Variants in LRRC4C observed in about 807,000 individuals in gnomAD.
The protein encoded by LRRC4C is leucine-rich repeat-containing protein 4C.
LRRC4C carries 5 observed loss-of-function variants against 33.6 expected under a neutral mutation model. The ratio of observed to expected loss-of-function variants is 0.15; its 90% confidence interval spans 0.08 to 0.31. LRRC4C has a LOEUF of 0.31. Among genes scored for constraint, LRRC4C ranks in the 10% least tolerant of loss-of-function variants. The pLI, the probability that LRRC4C is intolerant of heterozygous loss-of-function variation, is 1.00. For missense variants in LRRC4C, 560 were observed against 796.7 expected (o/e 0.70, Z 3.58); for synonymous variants, 329 against 302.0 (o/e 1.09, Z -0.93).
In LRRC4C at chr11:40,571,319, A is replaced by AT. The variant is rs202196595; in HGVS notation, c.-270+76822dup. 1.4e-3 allele frequency among the ~76,000 whole-genome samples: 212 copies of AT among 151,880 alleles called. 8 individuals carry two copies. In the East Asian group the frequency reaches 0.033, roughly 24 times the overall value. The stretch of plus-strand genomic sequence containing the variant: ...TGATGTTCATTGCCCACCGATGTTA[A>AT]TTTTTTTTTAAATTTTTAGTTGTAT... On this transcript the variant is annotated intron_variant, in intron 3 of 6. Transcript: ENST00000528697.
At chr11:40,758,229 G>A (rs1388799320) in intron 2 of LRRC4C, among the ~76,000 whole-genome samples, 2 of 152,018 alleles carry the variant, frequency 1.3e-5, no homozygotes, top group Non-Finnish European at 2.9e-5. Context: ...GAGGAGCTAT[G>A]TTCTATTGAG....
At chr11:41,445,933 A>C (rs1018274625) in intron 1 of LRRC4C, among the ~76,000 whole-genome samples, 3 of 149,018 alleles carry the variant, frequency 2.0e-5, no homozygotes, top group African/African-American at 7.5e-5. Context: ...TTTGGGGAAA[A>C]TGTGTTTCCT....
At chr11:40,651,638 C>G (rs916533438) in intron 2 of LRRC4C, among the ~76,000 whole-genome samples, 3 of 152,114 alleles carry the variant, frequency 2.0e-5, no homozygotes, top group African/African-American at 7.2e-5. Flanking sequence ...GAAAACTATA[C>G]GTTTAGCACA....
intron 3 of LRRC4C, among the ~76,000 whole-genome samples, chr11:40,514,160 C>T (rs1432085595): frequency 1.3e-5 from 2 of 152,132 alleles, no homozygotes; most frequent in Non-Finnish European, 2.9e-5. Flanking sequence ...GGTTCAAACC[C>T]TTGTTTGGTT....
chr11:40,233,732 A>T (rs1473432917), intron 5 of LRRC4C, among the ~76,000 whole-genome samples: 1 of 152,220 alleles, frequency 6.6e-6, no homozygotes, highest in Non-Finnish European at 1.5e-5. Flanking sequence ...ATTCATTTTT[A>T]AATAAGCAAG....
intron 3 of LRRC4C, among the ~76,000 whole-genome samples, chr11:40,418,534 T>C (rs935303738): frequency 2.0e-5 from 3 of 152,208 alleles, no homozygotes; most frequent in Non-Finnish European, 4.4e-5. Flanking sequence ...AGTTCAACCA[T>C]TGTGGAGGAC....
intron 3 of LRRC4C, among the ~76,000 whole-genome samples, chr11:40,612,250 A>C (rs1357274347): frequency 6.6e-6 from 1 of 151,932 alleles, no homozygotes; most frequent in Non-Finnish European, 1.5e-5. Flanking sequence ...ACATTGATGA[A>C]CCTTGAAGAC....
intron 3 of LRRC4C, among the ~76,000 whole-genome samples, chr11:40,377,580 A>T (rs1948709632): frequency 6.6e-6 from 1 of 152,064 alleles, no homozygotes; most frequent in African/African-American, 2.4e-5. Context: ...TTAAATTCTT[A>T]GTTCTTATTC....
At chr11:40,978,105 A>G (rs753226213) in intron 1 of LRRC4C, among the ~76,000 whole-genome samples, 39 of 152,154 alleles carry the variant, frequency 2.6e-4, no homozygotes, top group Non-Finnish European at 5.1e-4. Flanking sequence ...TCAACTCTTT[A>G]GTCTAAACTA....
intron 3 of LRRC4C, among the ~76,000 whole-genome samples, chr11:40,358,195 A>G (rs1267541259): frequency 6.6e-6 from 1 of 151,710 alleles, no homozygotes; most frequent in African/African-American, 2.4e-5. Flanking sequence ...AAATAAATAA[A>G]TAAATAACAA....
intron 2 of LRRC4C, among the ~76,000 whole-genome samples, chr11:40,662,528 G>T (rs192462851): frequency 1.8e-3 from 280 of 152,280 alleles, no homozygotes; most frequent in Middle Eastern, 3.4e-3. Flanking sequence ...ATACAGTAGG[G>T]GACTATCGGG....
chr11:40,520,280 CA>C, intron 3 of LRRC4C, among the ~76,000 whole-genome samples: 1 of 152,258 alleles, frequency 6.6e-6, no homozygotes, highest in Non-Finnish European at 1.5e-5. Context: ...TCTTTGTGTT[CA>C]AAACCTGGTA....
chr11:40,339,124 A>G (rs764496723), intron 3 of LRRC4C, among the ~76,000 whole-genome samples: 10 of 152,214 alleles, frequency 6.6e-5, no homozygotes, highest in Non-Finnish European at 1.0e-4. Flanking sequence ...TCGCAGGAAC[A>G]TATTATCTAA....
At chr11:40,167,818 G>A (rs1382880383) in intron 5 of LRRC4C, among the ~76,000 whole-genome samples, 1 of 152,152 alleles carries the variant, frequency 6.6e-6, no homozygotes, top group Non-Finnish European at 1.5e-5. Context: ...GCCGAGGCAG[G>A]TGGATCACCT....
chr11:41,146,797 T>A (rs1056122918), intron 1 of LRRC4C, among the ~76,000 whole-genome samples: 2 of 152,264 alleles, frequency 1.3e-5, no homozygotes, highest in Non-Finnish European at 2.9e-5. Flanking sequence ...AGGCATTACA[T>A]GCCAATCTAC....
chr11:40,174,512 T>C (rs1860309468), intron 5 of LRRC4C, among the ~76,000 whole-genome samples: 1 of 152,214 alleles, frequency 6.6e-6, no homozygotes, highest in Non-Finnish European at 1.5e-5. Flanking sequence ...TGATCATGAC[T>C]CTAAAGGCAG....
At chr11:40,438,917 G>A (rs12363791) in intron 3 of LRRC4C, among the ~76,000 whole-genome samples, 53,802 of 144,240 alleles carry the variant, frequency 0.37, 10,780 homozygotes, top group East Asian at 0.52. Context: ...GTTAATTTAT[G>A]AATTGCTACT....
At chr11:40,963,312 G>A (rs550194692) in intron 1 of LRRC4C, among the ~76,000 whole-genome samples, 4 of 151,878 alleles carry the variant, frequency 2.6e-5, no homozygotes, top group African/African-American at 9.6e-5. Flanking sequence ...GGCAAGTGCT[G>A]TGAAGTTCCA....
intron 3 of LRRC4C, among the ~76,000 whole-genome samples, chr11:40,570,420 G>C (rs895065312): frequency 3.9e-5 from 6 of 152,076 alleles, no homozygotes; most frequent in African/African-American, 1.4e-4. Flanking sequence ...CCCAAAGACT[G>C]CCAGGAAAAG....
Sources: allele counts gnomAD v4.1 joint callset (sites outside exome capture counted in the v4.1 genomes callset), GRCh38; gene constraint gnomAD v4.1.1; transcripts MANE v1.5; gene names NCBI Gene and HGNC (gene_info 2026-07-23, HGNC 2026-07-21).